SHISA9: variants seen among roughly 807,000 people sequenced by gnomAD.
SHISA9 encodes shisa family member 9, also known as protein shisa-9.
A neutral mutation model predicts 38.0 loss-of-function variants in SHISA9; 13 were observed. The observed-to-expected ratio is 0.34, with a 90% CI of 0.22 to 0.54. The LOEUF (loss-of-function observed/expected upper bound fraction) is 0.54, where lower values mean the gene tolerates loss of function less well. Ranked by LOEUF, SHISA9 falls within the 20% of genes least tolerant of loss-of-function variation. The probability of loss-of-function intolerance (pLI) is 0.91; values close to 1 mark genes in which losing one functional copy is unlikely to be tolerated. For missense variants in SHISA9, 538 were observed against 575.8 expected, an observed-to-expected ratio of 0.93 and a Z score of 0.67; for synonymous variants, 275 against 242.0, an observed-to-expected ratio of 1.14 and a Z score of -1.27.
the SHISA9 span, among the ~76,000 whole-genome samples, chr16:13,378,536 A>C: frequency 1.3e-5 from 2 of 152,154 alleles, no homozygotes; most frequent in Non-Finnish European, 2.9e-5. Flanking sequence ...GCCCTTGTTC[A>C]TGTGCCTAGA....
intron 2 of SHISA9, among the ~76,000 whole-genome samples, chr16:13,098,926 A>G (rs2073852779): frequency 6.6e-6 from 1 of 152,236 alleles, no homozygotes; most frequent in African/African-American, 2.4e-5. Context: ...TGAAGAGTAA[A>G]TAAAGGGATG....
chr16:13,134,203 C>G (rs982806381), intron 2 of SHISA9, among the ~76,000 whole-genome samples: 1 of 152,152 alleles, frequency 6.6e-6, no homozygotes, highest in African/African-American at 2.4e-5. Context: ...CTTAACCTGT[C>G]TGGGTCTCAG....
At chr16:13,547,405 T>G in the SHISA9 span, among the ~76,000 whole-genome samples, 1 of 152,116 alleles carries the variant, frequency 6.6e-6, no homozygotes, top group Non-Finnish European at 1.5e-5. Context: ...CATGAGATTA[T>G]GGAGGAAGGA....
At chr16:12,908,908 A>C (rs1596522867) in intron 1 of SHISA9, 3 of 1,035,752 alleles carry the variant, frequency 2.9e-6, no homozygotes, top group Admixed American at 5.2e-5. Context: ...CCAAGTGGCA[A>C]ATGGCAGATA....
At chr16:12,983,634 G>A (rs1358637345) in intron 2 of SHISA9, among the ~76,000 whole-genome samples, 22 of 152,060 alleles carry the variant, frequency 1.4e-4, no homozygotes, top group African/African-American at 5.3e-4. Context: ...GACTACAGGC[G>A]CCCGCCACCA....
chr16:13,410,303 C>G, the SHISA9 span, among the ~76,000 whole-genome samples: 1 of 152,186 alleles, frequency 6.6e-6, no homozygotes, highest in Middle Eastern at 3.2e-3. Flanking sequence ...TGACATCTTT[C>G]CAATCAATAG....
chr16:13,520,259 C>G, the SHISA9 span, among the ~76,000 whole-genome samples: 8,227 of 152,096 alleles, frequency 0.054, 479 homozygotes, highest in African/African-American at 0.14. Context: ...TCAATAGTAC[C>G]AAAACAAAGC....
In SHISA9 at chr16:13,201,090, T is replaced by C. The variant is rs1898682; in HGVS notation, c.692-2304T>C. ...TTAGGGAGCCACACAAAAATGGGGC[T>C]CCAAGTAAAGTCCAGATTCAGGGGT... On this transcript the variant is annotated intron_variant, in intron 2 of 4. Transcript: ENST00000558583. 2.1e-3 allele frequency among the ~76,000 whole-genome samples: 282 copies of C among 135,418 alleles called. 62 individuals are homozygous for C. Among genetic ancestry groups the C allele is most frequent in the African/African-American group, 7.8e-3 (268 of 34,556 alleles). The allele number at this position is 135,418 out of a possible 152,430, so 88.8% of individuals were successfully genotyped here.
At chr16:13,096,322 C>A (rs953715913) in intron 2 of SHISA9, among the ~76,000 whole-genome samples, 1 of 152,186 alleles carries the variant, frequency 6.6e-6, no homozygotes, top group African/African-American at 2.4e-5. Flanking sequence ...TTACCCAAGC[C>A]TTGCGACACA....
intron 2 of SHISA9, among the ~76,000 whole-genome samples, chr16:12,955,650 A>G (rs904533259): frequency 1.3e-5 from 2 of 151,846 alleles, no homozygotes; most frequent in Non-Finnish European, 2.9e-5. Context: ...AAAAAAAACA[A>G]TGGGGAAAGG....
chr16:13,370,188 C>T, the SHISA9 span, among the ~76,000 whole-genome samples: 3 of 152,100 alleles, frequency 2.0e-5, no homozygotes, highest in Admixed American at 6.5e-5. Flanking sequence ...TCTGTTTTTA[C>T]GCCTCCTGGC....
At chr16:13,032,827 A>G (rs994657479) in intron 2 of SHISA9, among the ~76,000 whole-genome samples, 3 of 152,052 alleles carry the variant, frequency 2.0e-5, no homozygotes, top group African/African-American at 7.2e-5. Context: ...GTGCAACTGA[A>G]TTCAGGGAAG....
chr16:12,909,379 A>C (rs1014610032), intron 1 of SHISA9: 2 of 985,382 alleles, frequency 2.0e-6, no homozygotes, highest in Non-Finnish European at 2.4e-6. Flanking sequence ...TTGTGCAAGA[A>C]GAAGTGCTCA....
chr16:13,156,316 A>G (rs918225937), intron 2 of SHISA9, among the ~76,000 whole-genome samples: 7 of 152,230 alleles, frequency 4.6e-5, no homozygotes, highest in African/African-American at 1.7e-4. Flanking sequence ...CAGCATGCTT[A>G]GCACTGAGCC....
the SHISA9 span, among the ~76,000 whole-genome samples, chr16:13,538,812 C>A: frequency 6.6e-6 from 1 of 152,186 alleles, no homozygotes; most frequent in Non-Finnish European, 1.5e-5. Flanking sequence ...ATTCTCTCCC[C>A]TTGATTGCAT....
the SHISA9 span, among the ~76,000 whole-genome samples, chr16:13,541,055 A>G: frequency 6.6e-6 from 1 of 152,124 alleles, no homozygotes; most frequent in Non-Finnish European, 1.5e-5. Context: ...AAGCAAAATC[A>G]ATGGAGAACT....
At chr16:13,175,636 G>A (rs1469358206) in intron 2 of SHISA9, among the ~76,000 whole-genome samples, 2 of 152,174 alleles carry the variant, frequency 1.3e-5, no homozygotes, top group African/African-American at 4.8e-5. Context: ...TTTTTCAACT[G>A]GTCTTAAAGG....
chr16:13,114,135 T>G (rs115141813), intron 2 of SHISA9, among the ~76,000 whole-genome samples: 3,150 of 152,222 alleles, frequency 0.021, 112 homozygotes, highest in African/African-American at 0.072. Flanking sequence ...AGTTTTCTTT[T>G]TCTTAAATTA....
At chr16:13,375,843 C>A in the SHISA9 span, among the ~76,000 whole-genome samples, 4 of 152,124 alleles carry the variant, frequency 2.6e-5, no homozygotes, top group African/African-American at 7.2e-5. Context: ...GCAACACTCT[C>A]CAAATAGATC....
Sources: gnomAD v4.1 joint callset for allele counts (sites outside exome capture counted in the v4.1 genomes callset) on GRCh38, gnomAD v4.1.1 for gene constraint, MANE v1.5 for transcripts, NCBI Gene and HGNC (gene_info 2026-07-23, HGNC 2026-07-21) for gene names.